The following TMEM50B variants were observed in gnomAD, a reference collection of about 807,000 sequenced individuals.
TMEM50B encodes the protein transmembrane protein 50B, also known as HCV p7-trans-regulated protein 3.
TMEM50B carries 14 observed loss-of-function variants against 23.4 expected under a neutral mutation model. The ratio of observed to expected loss-of-function variants is 0.60; its 90% confidence interval spans 0.39 to 0.93. The LOEUF (loss-of-function observed/expected upper bound fraction) is 0.93, where lower values mean the gene tolerates loss of function less well. Among genes scored for constraint, TMEM50B ranks in the 40% least tolerant of loss-of-function variants. The pLI, the probability that TMEM50B is intolerant of heterozygous loss-of-function variation, is 0.00. For missense variants in TMEM50B, 159 were observed against 193.0 expected (o/e 0.82, Z 1.04); for synonymous variants, 64 against 62.3 (o/e 1.03, Z -0.13).
chr21:33,465,754 G>C (rs543961260), intron 3 of TMEM50B, among the ~76,000 whole-genome samples: 2 of 152,274 alleles, frequency 1.3e-5, no homozygotes, highest in South Asian at 4.1e-4. Flanking sequence ...ATTATCAAGA[G>C]TTAAACAGTT....
chr21:33,450,940 T>A, intron 6 of TMEM50B, 77 bp from the exon 7 acceptor site: 1 of 1,240,450 alleles, frequency 8.1e-7, no homozygotes, highest in Non-Finnish European at 1.2e-6. Context: ...CTCAATATGC[T>A]TTGACAGGTA....
chr21:33,441,900 G>A (rs1012015617), intron 7 of TMEM50B, among the ~76,000 whole-genome samples: 3 of 152,048 alleles, frequency 2.0e-5, no homozygotes, highest in African/African-American at 7.2e-5. Context: ...TAAAATGCTG[G>A]GATTACAGGC....
At chr21:33,458,833 AAC>A (rs1450468146) in intron 5 of TMEM50B, among the ~76,000 whole-genome samples, 1 of 152,228 alleles carries the variant, frequency 6.6e-6, no homozygotes, top group Non-Finnish European at 1.5e-5. Context: ...ATTTTTAATT[AAC>A]TAAAAAACAC....
At chr21:33,436,661 G>A (rs2083954881) in intron 8 of TMEM50B, among the ~76,000 whole-genome samples, 2 of 151,856 alleles carry the variant, frequency 1.3e-5, no homozygotes, top group African/African-American at 4.8e-5. Context: ...AGCAGAGGTT[G>A]CAGTGAGCTG....
At chr21:33,479,513 G>A (rs866261003) in intron 1 of TMEM50B, among the ~76,000 whole-genome samples, 9 of 152,326 alleles carry the variant, frequency 5.9e-5, no homozygotes, top group Middle Eastern at 3.4e-3. Context: ...ACGAGATGGA[G>A]CCTCTCCAGC....
intron 7 of TMEM50B, among the ~76,000 whole-genome samples, chr21:33,442,114 A>G (rs1194504764): frequency 1.3e-5 from 2 of 152,132 alleles, no homozygotes; most frequent in Non-Finnish European, 2.9e-5. Context: ...CCTTCAAAAT[A>G]TATTTGCTGT....
chr21:33,435,679 T>C (rs2083939177), intron 8 of TMEM50B, among the ~76,000 whole-genome samples: 1 of 151,076 alleles, frequency 6.6e-6, no homozygotes, highest in Middle Eastern at 3.2e-3. Context: ...AGTCAGGAGA[T>C]CGAGACCATC....
intron 6 of TMEM50B, among the ~76,000 whole-genome samples, chr21:33,452,961 CAATCAAGCTTCTAGAGAGAGAA>C (rs1227087438): frequency 6.6e-6 from 1 of 152,058 alleles, no homozygotes. Context: ...TTTAAAGACC[CAATCAAGCTTCTAGAGAGAGAA>C]AATACAATGT....
intron 1 of TMEM50B, among the ~76,000 whole-genome samples, chr21:33,475,297 T>C (rs1019284854): frequency 1.3e-5 from 2 of 152,136 alleles, no homozygotes; most frequent in Non-Finnish European, 2.9e-5. Flanking sequence ...AAATTATACA[T>C]GTTTTATATG....
At chr21:33,437,820 T>A (rs2083972107) in intron 8 of TMEM50B, among the ~76,000 whole-genome samples, 1 of 150,076 alleles carries the variant, frequency 6.7e-6, no homozygotes. Context: ...CCTGTCTCTA[T>A]GAAAAATGCA....
At chr21:33,443,404 C>T (rs56148588) in intron 7 of TMEM50B, among the ~76,000 whole-genome samples, 2 of 151,940 alleles carry the variant, frequency 1.3e-5, no homozygotes, top group African/African-American at 4.8e-5. Context: ...GGGTACATTC[C>T]TGTAGGCTGT....
intron 2 of TMEM50B, 113 bp from the exon 3 acceptor site, chr21:33,467,235 C>A: frequency 1.1e-6 from 1 of 881,484 alleles, no homozygotes; most frequent in East Asian, 2.7e-5. Flanking sequence ...TACAGAGGCT[C>A]ACGCCTGTAA....
At chr21:33,436,862 C>G (rs893539360) in intron 8 of TMEM50B, 2 of 1,613,922 alleles carry the variant, frequency 1.2e-6, no homozygotes, top group African/African-American at 1.3e-5. Context: ...ATCTTAGAGG[C>G]CTTGGACAAG....
intron 1 of TMEM50B, among the ~76,000 whole-genome samples, chr21:33,472,179 C>T (rs1284866463): frequency 2.6e-5 from 4 of 151,458 alleles, no homozygotes; most frequent in Non-Finnish European, 4.4e-5. Flanking sequence ...GTCAAGAGAT[C>T]GAGACCATCC....
intron 1 of TMEM50B, chr21:33,479,031 C>G (rs2084401389): frequency 6.0e-6 from 2 of 335,022 alleles, no homozygotes; most frequent in Non-Finnish European, 1.2e-5. Flanking sequence ...CCGCACCCCC[C>G]GACCCAGGCA....
chr21:33,456,413 G>A (rs1175449055), intron 5 of TMEM50B, among the ~76,000 whole-genome samples: 1 of 152,152 alleles, frequency 6.6e-6, no homozygotes, highest in Non-Finnish European at 1.5e-5. Flanking sequence ...AAATAACACA[G>A]TTAGAATTTA....
At chr21:33,479,382 G>C (rs1194634408) in intron 1 of TMEM50B, 1 of 152,322 alleles carries the variant, frequency 6.6e-6, no homozygotes, top group African/African-American at 2.4e-5. Context: ...AAACGGGAGG[G>C]GCGAAGAAGG....
chr21:33,443,438 T>C (rs1253703386), intron 7 of TMEM50B, among the ~76,000 whole-genome samples: 2 of 127,472 alleles, frequency 1.6e-5, no homozygotes, highest in African/African-American at 5.9e-5. Context: ...CCACAGGTGC[T>C]GTTGACCTAA....
At chr21:33,478,890 G>GATGAAGAGTCTGAGA (rs1212980209) in intron 1 of TMEM50B, 1 of 457,488 alleles carries the variant, frequency 2.2e-6, no homozygotes, top group African/African-American at 2.1e-5. Flanking sequence ...GTGCAGGTAG[G>GATGAAGAGTCTGAGA]ATGAAGAGTC....
Sources: allele counts gnomAD v4.1 joint callset (sites outside exome capture counted in the v4.1 genomes callset), GRCh38; gene constraint gnomAD v4.1.1; transcripts MANE v1.5; gene names NCBI Gene and HGNC (gene_info 2026-07-23, HGNC 2026-07-21).